Variants in SENP7 observed in about 807,000 individuals in gnomAD.
SENP7 encodes sentrin-specific protease 7.
A neutral mutation model predicts 141.2 loss-of-function variants in SENP7; 64 were observed. The ratio of observed to expected loss-of-function variants is 0.45; its 90% CI spans 0.37 to 0.56. SENP7 has a LOEUF of 0.56. SENP7 is among the 20% of genes least tolerant of loss of function. SENP7 has a pLI of 0.00. For synonymous variants in SENP7, 382 were observed against 426.4 expected (o/e 0.90, Z 1.28); for missense variants, 1,025 against 1,212.2 (o/e 0.85, Z 2.29).
Position 101,482,364 on chromosome 3 carries a change from T to C in SENP7, c.186+11509A>G, listed in dbSNP as rs556070217. Among the ~76,000 whole-genome samples, 476 of 150,284 alleles carry C rather than the reference T, an allele frequency of 3.2e-3. 5 individuals are homozygous for C. The highest frequency in any genetic ancestry group is 0.011 in the African/African-American group (437 of 41,096). ...ACTTTGGTATAACTCTAACAAAATA[T>C]GTACAAGATCTGTATGAGGAAAGCT... On this transcript the variant is annotated intron_variant, in intron 3 of 23. Transcript: ENST00000394095.
At chr3:101,335,733 T>C (rs1029540280) in intron 17 of SENP7, among the ~76,000 whole-genome samples, 28 of 152,270 alleles carry the variant, frequency 1.8e-4, no homozygotes, top group African/African-American at 6.3e-4. Flanking sequence ...AACATGAGAT[T>C]AAGTGCATGG....
chr3:101,395,558 G>A (rs1291158605), intron 6 of SENP7, among the ~76,000 whole-genome samples: 1 of 152,160 alleles, frequency 6.6e-6, no homozygotes, highest in Non-Finnish European at 1.5e-5. Flanking sequence ...TTTGAAGTCA[G>A]GTAGTGTAAT....
chr3:101,436,129 A>G (rs957904970), intron 4 of SENP7, among the ~76,000 whole-genome samples: 18 of 152,318 alleles, frequency 1.2e-4, no homozygotes, highest in Admixed American at 5.9e-4. Context: ...ATACACCTAC[A>G]GTGAACTCAT....
chr3:101,466,669 G>T (rs1018833439), intron 3 of SENP7, among the ~76,000 whole-genome samples: 1 of 152,174 alleles, frequency 6.6e-6, no homozygotes, highest in Admixed American at 6.5e-5. Flanking sequence ...ATAAGACAGA[G>T]AATGGAGTCA....
intron 3 of SENP7, among the ~76,000 whole-genome samples, chr3:101,463,396 T>TATATATATAC (rs1320861204): frequency 1.7e-3 from 144 of 82,806 alleles, no homozygotes; most frequent in African/African-American, 7.7e-3. Context: ...TATATATATA[T>TATATATATAC]ACATATATAT....
chr3:101,501,826 T>C (rs1218092501), intron 1 of SENP7, among the ~76,000 whole-genome samples: 1 of 152,190 alleles, frequency 6.6e-6, no homozygotes, highest in Admixed American at 6.5e-5. Flanking sequence ...AAAAAATAAA[T>C]GGCAGAGATT....
At chr3:101,402,001 C>CA (rs35310049) in intron 5 of SENP7, among the ~76,000 whole-genome samples, 1,990 of 108,716 alleles carry the variant, frequency 0.018, 31 homozygotes, top group African/African-American at 0.048. Flanking sequence ...GACCCTGCCT[C>CA]AAAAAAAAAA....
intron 4 of SENP7, chr3:101,457,251 T>G (rs2063383097): frequency 3.8e-6 from 6 of 1,584,314 alleles, no homozygotes; most frequent in Non-Finnish European, 3.4e-6. Context: ...TCAGTTTGCC[T>G]CATTCTTGGA....
At chr3:101,490,300 A>G (rs1001791322) in intron 3 of SENP7, among the ~76,000 whole-genome samples, 1 of 152,202 alleles carries the variant, frequency 6.6e-6, no homozygotes, top group Non-Finnish European at 1.5e-5. Flanking sequence ...AATAAAAAGA[A>G]ACAAACCAGT....
At chr3:101,358,357 G>A in intron 11 of SENP7, 1 of 600,248 alleles carries the variant, frequency 1.7e-6, no homozygotes, top group South Asian at 1.5e-5. Flanking sequence ...TCAATAATGT[G>A]GCAAATCTTT....
chr3:101,348,403 C>A (rs1362764386), intron 12 of SENP7, among the ~76,000 whole-genome samples: 1 of 152,026 alleles, frequency 6.6e-6, no homozygotes, highest in African/African-American at 2.4e-5. Flanking sequence ...AGAATTCTCT[C>A]CAGGAATTCT....
chr3:101,431,769 G>A (rs1234531741), intron 4 of SENP7, among the ~76,000 whole-genome samples: 2 of 136,490 alleles, frequency 1.5e-5, no homozygotes, highest in African/African-American at 5.2e-5. Context: ...GGCGGACAGA[G>A]CCAGACTTCG....
chr3:101,499,682 C>T (rs530047903), intron 2 of SENP7, among the ~76,000 whole-genome samples: 1 of 152,156 alleles, frequency 6.6e-6, no homozygotes, highest in South Asian at 2.1e-4. Context: ...ACTACAGGCA[C>T]CTGCCACCAC....
intron 4 of SENP7, among the ~76,000 whole-genome samples, chr3:101,430,297 G>T (rs2062114446): frequency 1.3e-5 from 2 of 152,150 alleles, no homozygotes; most frequent in Non-Finnish European, 2.9e-5. Flanking sequence ...ATAGAATTCA[G>T]CTGTGAATCC....
At position 101,442,782 on chromosome 3, in the gene SENP7, T is replaced by C. The variant is rs187731926; in HGVS notation, c.284+16173A>G. Among the ~76,000 whole-genome samples, 485 of 151,608 alleles carry C rather than the reference T, an allele frequency of 3.2e-3. 3 individuals carry two copies. The highest frequency in any genetic ancestry group is 5.8e-3 in the South Asian group (28 of 4,798). ...AAAACACAATTAAGAACTTCAACAATAGACTAAGCAGAAGAAAAAAATTCT... is the reference window on the plus strand; with the variant it reads ...AAAACACAATTAAGAACTTCAACAACAGACTAAGCAGAAGAAAAAAATTCT... On this transcript the variant is annotated intron_variant, in intron 4 of 23. Transcript: ENST00000394095.
intron 6 of SENP7, among the ~76,000 whole-genome samples, chr3:101,391,529 T>A (rs1361233932): frequency 2.0e-5 from 3 of 151,932 alleles, no homozygotes; most frequent in Admixed American, 1.3e-4. Context: ...ACCTACAAGA[T>A]TGAATCAGGA....
At chr3:101,381,921 G>T (rs1201985850) in intron 6 of SENP7, among the ~76,000 whole-genome samples, 1 of 152,068 alleles carries the variant, frequency 6.6e-6, no homozygotes, top group Non-Finnish European at 1.5e-5. Flanking sequence ...CCAAAGGAAA[G>T]CTTAAAAAGA....
chr3:101,353,070 T>C (rs2059653085), intron 11 of SENP7, among the ~76,000 whole-genome samples: 1 of 151,980 alleles, frequency 6.6e-6, no homozygotes, highest in East Asian at 1.9e-4. Flanking sequence ...GAAGTTGTTA[T>C]CATTAGACAC....
At chr3:101,345,534 C>T (rs2059434239) in intron 13 of SENP7, among the ~76,000 whole-genome samples, 1 of 152,120 alleles carries the variant, frequency 6.6e-6, no homozygotes. Flanking sequence ...ATTTGATTCT[C>T]AATTTGGTCG....
Sources: allele counts gnomAD v4.1 joint callset (sites outside exome capture counted in the v4.1 genomes callset), GRCh38; gene constraint gnomAD v4.1.1; transcripts MANE v1.5; gene names NCBI Gene and HGNC (gene_info 2026-07-23, HGNC 2026-07-21).